Variants in KCNIP4 observed in about 807,000 individuals in gnomAD.
KCNIP4 encodes potassium voltage-gated channel interacting protein 4.
A neutral mutation model predicts 34.0 loss-of-function variants in KCNIP4; 12 were observed. The observed-to-expected ratio is 0.35, with a 90% CI of 0.23 to 0.57. The LOEUF is 0.57. Ranked by LOEUF, KCNIP4 falls within the 20% of genes least tolerant of loss-of-function variation. The pLI is 0.83. For synonymous variants in KCNIP4, 124 were observed against 102.2 expected, an observed-to-expected ratio of 1.21 and a Z score of -1.29; for missense variants, 238 against 311.7, an observed-to-expected ratio of 0.76 and a Z score of 1.78.
At chr4:21,350,821 C>T (rs1717938233) in intron 1 of KCNIP4, among the ~76,000 whole-genome samples, 2 of 152,136 alleles carry the variant, frequency 1.3e-5, no homozygotes, top group African/African-American at 2.4e-5. Context: ...TCCCACTTAC[C>T]TGCTAGAGTA....
intron 1 of KCNIP4, among the ~76,000 whole-genome samples, chr4:20,911,023 A>G (rs1728280111): frequency 6.6e-6 from 1 of 152,196 alleles, no homozygotes; most frequent in Non-Finnish European, 1.5e-5. Flanking sequence ...CCAAAAAGAG[A>G]AAAAATAGAC....
intron 1 of KCNIP4, among the ~76,000 whole-genome samples, chr4:21,228,978 G>T (rs935080816): frequency 6.6e-6 from 1 of 152,080 alleles, no homozygotes; most frequent in East Asian, 1.9e-4. Flanking sequence ...GTCACTCAAG[G>T]CCTCTTTGAT....
At chr4:20,865,190 G>A (rs575279838) in intron 2 of KCNIP4, among the ~76,000 whole-genome samples, 1 of 152,048 alleles carries the variant, frequency 6.6e-6, no homozygotes, top group African/African-American at 2.4e-5. Flanking sequence ...TTAAACCCAA[G>A]CTTACTGACT....
intron 1 of KCNIP4, among the ~76,000 whole-genome samples, chr4:21,156,831 C>G (rs560671856): frequency 4.5e-4 from 68 of 152,032 alleles, no homozygotes; most frequent in African/African-American, 1.4e-3. Context: ...GTGTGTTGTT[C>G]ATGTTCACAA....
At chr4:20,936,335 A>C (rs1437064969) in intron 1 of KCNIP4, among the ~76,000 whole-genome samples, 2 of 152,192 alleles carry the variant, frequency 1.3e-5, no homozygotes, top group Non-Finnish European at 2.9e-5. Flanking sequence ...ACCATAGTAT[A>C]GAAAACGGGT....
chr4:20,734,983 G>T (rs185114694), intron 5 of KCNIP4, among the ~76,000 whole-genome samples: 1 of 152,168 alleles, frequency 6.6e-6, no homozygotes, highest in African/African-American at 2.4e-5. Context: ...GTACCAGTGC[G>T]TACCCACACA....
intron 1 of KCNIP4, among the ~76,000 whole-genome samples, chr4:21,766,713 C>A (rs1481583928): frequency 6.6e-6 from 1 of 152,016 alleles, no homozygotes; most frequent in African/African-American, 2.4e-5. Flanking sequence ...AGGGAGGGCC[C>A]TAATTAATGT....
intron 1 of KCNIP4, among the ~76,000 whole-genome samples, chr4:21,245,640 GAGA>G (rs756669628): frequency 1.9e-4 from 29 of 152,272 alleles, no homozygotes; most frequent in Admixed American, 5.2e-4. Flanking sequence ...AAGGTCAAAT[GAGA>G]AGAAGTGGAA....
intron 1 of KCNIP4, among the ~76,000 whole-genome samples, chr4:21,147,939 CAAAA>C (rs377562727): frequency 6.4e-5 from 2 of 31,022 alleles, no homozygotes; most frequent in East Asian, 9.7e-4. Flanking sequence ...AACTCCGTCT[CAAAA>C]AAAAAAAAAA....
At chr4:20,774,388 T>G (rs550811376) in intron 3 of KCNIP4, among the ~76,000 whole-genome samples, 1 of 152,328 alleles carries the variant, frequency 6.6e-6, no homozygotes, top group Non-Finnish European at 1.5e-5. Flanking sequence ...TATGAGCCAC[T>G]CATATCACTT....
chr4:21,824,054 G>T lies in KCNIP4; in HGVS notation c.61+124517C>A, dbSNP rs576032912. On this transcript the variant is annotated intron_variant, in intron 1 of 8. Coordinates refer to ENST00000382152, the MANE Select transcript of KCNIP4 (RefSeq NM_025221.6). ...GCTGCTTTTCATGTTTAGCTACGAT[G>T]TGAAGAAGCCTGGGCTAGCCTGCCA... is the stretch of plus-strand genomic sequence containing the variant. Among the ~76,000 whole-genome samples, 6 of 152,268 alleles carry T rather than the reference G, an allele frequency of 3.9e-5. No homozygotes were observed. The South Asian group carries it at 1.2e-3, about 32-fold the overall frequency.
At chr4:21,080,182 C>A (rs911393924) in intron 1 of KCNIP4, among the ~76,000 whole-genome samples, 1 of 151,770 alleles carries the variant, frequency 6.6e-6, no homozygotes, top group African/African-American at 2.4e-5. Flanking sequence ...GCTCCTCCAC[C>A]TCTCCAACTG....
At chr4:21,278,084 TTTGTAAAAAA>T (rs747274037) in intron 1 of KCNIP4, among the ~76,000 whole-genome samples, 31 of 152,122 alleles carry the variant, frequency 2.0e-4, no homozygotes, top group Non-Finnish European at 3.1e-4. Flanking sequence ...AGTGAAAATC[TTTGTAAAAAA>T]TTCCCACTTT....
intron 3 of KCNIP4, among the ~76,000 whole-genome samples, chr4:20,821,161 G>A (rs1410428241): frequency 6.6e-6 from 1 of 152,158 alleles, no homozygotes; most frequent in African/African-American, 2.4e-5. Context: ...CTGGGTTTTG[G>A]GTCCCAACCC....
At chr4:21,744,721 G>T (rs1359906666) in intron 1 of KCNIP4, among the ~76,000 whole-genome samples, 1 of 152,092 alleles carries the variant, frequency 6.6e-6, no homozygotes, top group African/African-American at 2.4e-5. Flanking sequence ...TTCCCAAACT[G>T]CAGGACAGTA....
chr4:20,777,340 T>C (rs919858971), intron 3 of KCNIP4, among the ~76,000 whole-genome samples: 2 of 152,206 alleles, frequency 1.3e-5, no homozygotes, highest in East Asian at 3.9e-4. Context: ...TACCTCCCAC[T>C]GGATCCTTCC....
chr4:21,634,539 A>G (rs545275827), intron 1 of KCNIP4, among the ~76,000 whole-genome samples: 1 of 152,292 alleles, frequency 6.6e-6, no homozygotes, highest in Non-Finnish European at 1.5e-5. Context: ...GACTACCTCA[A>G]GGCCACAGTG....
intron 1 of KCNIP4, among the ~76,000 whole-genome samples, chr4:21,374,001 A>T (rs1720734210): frequency 2.0e-5 from 3 of 147,406 alleles, no homozygotes; most frequent in Admixed American, 1.3e-4. Context: ...CACCACACCC[A>T]GCCTAGGGTT....
intron 1 of KCNIP4, among the ~76,000 whole-genome samples, chr4:21,499,117 GGTCAGAA>G (rs917245102): frequency 2.0e-5 from 3 of 152,070 alleles, no homozygotes; most frequent in African/African-American, 7.2e-5. Flanking sequence ...CAGATCACGA[GGTCAGAA>G]GTTCGAGACA....
Sources: allele counts gnomAD v4.1 joint callset (sites outside exome capture counted in the v4.1 genomes callset), GRCh38; gene constraint gnomAD v4.1.1; transcripts MANE v1.5; gene names NCBI Gene and HGNC (gene_info 2026-07-23, HGNC 2026-07-21).